Variants in SDK2 observed in about 807,000 individuals in gnomAD.
The protein encoded by SDK2 is sidekick cell adhesion molecule 2.
SDK2 carries 105 observed loss-of-function variants against 253.9 expected under a neutral mutation model. That is an observed-to-expected ratio of 0.41 (90% CI 0.35 to 0.49). The LOEUF is 0.49. Among genes scored for constraint, SDK2 ranks in the 20% least tolerant of loss-of-function variants. The pLI is 0.06. For synonymous variants in SDK2, 1,249 were observed against 1,234.9 expected (o/e 1.01, Z -0.24); for missense variants, 2,608 against 3,003.0 (o/e 0.87, Z 3.07).
At chr17:73,424,226 C>T (rs762018049) in intron 12 of SDK2, 134 bp from the exon 13 acceptor site, 2 of 705,986 alleles carry the variant, frequency 2.8e-6, no homozygotes, top group Non-Finnish European at 4.7e-6. Context: ...CCAGGCAGGA[C>T]ACTGGGATCG....
In SDK2 at chr17:73,361,811, C is replaced by T. The variant is rs776391778; in HGVS notation, c.5340G>A (p.Gly1780=). Residue 1780 remains glycine (G), a synonymous_variant, in exon 39 of 45, where the codon GGG becomes GGA. Transcript: ENST00000392650. This position sits in a 1 kb window ranked among gnomAD's most constrained non-coding sequence, Gnocchi z 4.1. ...VSKIVTVDVK[G]NSPLWLKVKD... is the part of the protein sequence containing the mutation. ...TCACCTTCAGCCACAGGGGGCTGTT[C>T]CCCTTCACGTCCACGGTCACGATCT... 40 of 1,606,204 alleles carry T rather than the reference C, an allele frequency of 2.5e-5. No homozygotes were observed. The African/African-American group carries it at 2.8e-4, about 11-fold the overall frequency.
intron 16 of SDK2, among the ~76,000 whole-genome samples, chr17:73,417,496 G>A (rs953745653): frequency 6.6e-6 from 1 of 152,024 alleles, no homozygotes; most frequent in African/African-American, 2.4e-5. Flanking sequence ...AGGGTCAACT[G>A]TAATTTAAGT....
rs115119432 is a variant in SDK2 at position 73,491,191 on chromosome 17, C to T, written c.224+16247G>A. 4.1e-3 allele frequency among the ~76,000 whole-genome samples: 619 copies of T among 152,246 alleles called. 5 individuals carry two copies. The highest frequency in any genetic ancestry group is 0.014 in the African/African-American group (589 of 41,538). ...ATGTTATTACTACTCCTTCATCTGT[C>T]CTTGCTCTCAGCATCCTCTAACAGC... On this transcript the variant is annotated intron_variant, in intron 2 of 44. Transcript: ENST00000392650.
intron 1 of SDK2, among the ~76,000 whole-genome samples, chr17:73,571,512 A>G (rs111974394): frequency 6.6e-6 from 1 of 152,070 alleles, no homozygotes; most frequent in Non-Finnish European, 1.5e-5. Context: ...CCTGGGGGGA[A>G]CATGTGGGAG....
intron 29 of SDK2, among the ~76,000 whole-genome samples, chr17:73,389,148 A>C (rs2062905041): frequency 6.7e-6 from 1 of 148,352 alleles, no homozygotes; most frequent in Non-Finnish European, 1.5e-5. Context: ...CTGGGACTAC[A>C]GATGTACACC....
At chr17:73,596,377 C>T (rs9897091) in intron 1 of SDK2, among the ~76,000 whole-genome samples, 3,251 of 152,276 alleles carry the variant, frequency 0.021, 44 homozygotes, top group Middle Eastern at 0.061. Context: ...GGGCATGACA[C>T]GGTATGAACA....
chr17:73,452,450 G>T (rs2063496504), intron 4 of SDK2, among the ~76,000 whole-genome samples: 1 of 152,170 alleles, frequency 6.6e-6, no homozygotes, highest in Non-Finnish European at 1.5e-5. Flanking sequence ...TTGCGGTGGT[G>T]TGCAGGGGCT....
At chr17:73,410,283 A>G (rs1197676462) in intron 18 of SDK2, among the ~76,000 whole-genome samples, 1 of 146,726 alleles carries the variant, frequency 6.8e-6, no homozygotes, top group Non-Finnish European at 1.5e-5. Flanking sequence ...TCTCTGTAAA[A>G]TGGTGTGATG....
In SDK2 at chr17:73,353,619, G is replaced by A. The variant is rs113522231; in HGVS notation, c.5594-982C>T. 4.5e-3 allele frequency among the ~76,000 whole-genome samples: 686 copies of A among 151,538 alleles called. 5 individuals are homozygous for A. The highest frequency in any genetic ancestry group is 0.016 in the African/African-American group (654 of 41,298). On this transcript the variant is annotated intron_variant, in intron 40 of 44. Transcript: ENST00000392650. ...TCTCCATGTTGGTCAGGCTGGTCTC[G>A]AACTCTCGACCTCAGGTGATCTGCC...
At chr17:73,475,645 G>A (rs945112531) in intron 2 of SDK2, among the ~76,000 whole-genome samples, 17 of 152,250 alleles carry the variant, frequency 1.1e-4, no homozygotes, top group African/African-American at 2.4e-5. Flanking sequence ...GAGGAGGTAG[G>A]AAGGTGTCCA....
chr17:73,568,480 TA>T (rs1469015202), intron 1 of SDK2, among the ~76,000 whole-genome samples: 5 of 152,064 alleles, frequency 3.3e-5, no homozygotes, highest in Non-Finnish European at 7.4e-5. Flanking sequence ...GATCTGAAAT[TA>T]AAAATTTATT....
In SDK2 at chr17:73,399,173, C is replaced by A. The variant is rs1448420287; in HGVS notation, c.3088G>T (p.Ala1030Ser). 3 of 1,613,698 alleles carry A rather than the reference C, an allele frequency of 1.9e-6. No homozygotes were observed. The South Asian group carries it at 3.3e-5, about 18-fold the overall frequency. Residue 1030 changes from alanine to serine, a missense_variant, in exon 22 of 45, where the codon GCC (alanine) becomes TCC (serine). Ala to Ser is a moderately conservative substitution (Grantham distance 99). Transcript: ENST00000392650. Reference protein sequence around the residue: ...KTSISRWLVEAQVGVVGEGEE... With the variant: ...KTSISRWLVESQVGVVGEGEE... ...AGGCCCCAGGCCTGCCCTACCTGGGCTTCCACCAGCCAGCGGGAGATGGAG... is the reference window on the plus strand; with the variant it reads ...AGGCCCCAGGCCTGCCCTACCTGGGATTCCACCAGCCAGCGGGAGATGGAG...
intron 1 of SDK2, among the ~76,000 whole-genome samples, chr17:73,560,213 C>T (rs1236935551): frequency 6.6e-6 from 1 of 152,222 alleles, no homozygotes. Context: ...CAATAAATGA[C>T]AGACAAGGTG....
chr17:73,367,764 A>G (rs1465738919), intron 37 of SDK2, among the ~76,000 whole-genome samples: 1 of 152,152 alleles, frequency 6.6e-6, no homozygotes, highest in Non-Finnish European at 1.5e-5. Context: ...TTGGCTTCCC[A>G]AAGTGCTGGG....
At chr17:73,464,031 C>T (rs1326385566) in intron 3 of SDK2, among the ~76,000 whole-genome samples, 2 of 152,186 alleles carry the variant, frequency 1.3e-5, no homozygotes. Context: ...TCTCTGCCAA[C>T]CTGGTGGGCA....
chr17:73,365,201 G>C (rs903954353), intron 38 of SDK2, 57 bp downstream of exon 38: 49 of 1,396,512 alleles, frequency 3.5e-5, no homozygotes, highest in Non-Finnish European at 4.7e-5. Context: ...GCGCTGAGAT[G>C]AGAGCGAGCT....
chr17:73,603,571 G>A (rs1323222739), intron 1 of SDK2, among the ~76,000 whole-genome samples: 3 of 152,206 alleles, frequency 2.0e-5, no homozygotes, highest in African/African-American at 7.2e-5. Flanking sequence ...TTGGGTCCCT[G>A]TAGCTCCCAC....
chr17:73,575,773 G>A (rs1666063100), intron 1 of SDK2, among the ~76,000 whole-genome samples: 1 of 152,250 alleles, frequency 6.6e-6, no homozygotes, highest in African/African-American at 2.4e-5. Flanking sequence ...GTGGGAGACA[G>A]AGCATACACA....
At chr17:73,592,962 C>T (rs1599708960) in intron 1 of SDK2, among the ~76,000 whole-genome samples, 2 of 141,050 alleles carry the variant, frequency 1.4e-5, no homozygotes, top group Non-Finnish European at 1.5e-5. Flanking sequence ...CGTAGCTCGC[C>T]GGTGTCACAG....
Sources: gnomAD v4.1 joint callset for allele counts (sites outside exome capture counted in the v4.1 genomes callset) on GRCh38, gnomAD v4.1.1 for gene constraint, Gnocchi (gnomAD v3.1) non-coding constraint, MANE v1.5 for transcripts, NCBI Gene and HGNC (gene_info 2026-07-23, HGNC 2026-07-21) for gene names.